CRYBG1: variants seen among roughly 807,000 people sequenced by gnomAD.
CRYBG1 encodes beta/gamma crystallin domain-containing protein 1.
Under a neutral mutation model 189.2 loss-of-function variants are expected in CRYBG1, and 139 were observed. The observed-to-expected ratio is 0.73, with a 90% CI of 0.64 to 0.85. The LOEUF is 0.85. Ranked by LOEUF, CRYBG1 falls within the 40% of genes least tolerant of loss-of-function variation. The pLI is 0.00. For synonymous variants in CRYBG1, 1,023 were observed against 1,017.1 expected (o/e 1.01, Z -0.11); for missense variants, 2,611 against 2,675.8 (o/e 0.98, Z 0.53).
chr6:106,381,795 A>T (rs769476466), intron 1 of CRYBG1, among the ~76,000 whole-genome samples: 2 of 152,122 alleles, frequency 1.3e-5, no homozygotes, highest in African/African-American at 4.8e-5. Flanking sequence ...GCTTTGGGCA[A>T]TGTGTGCTCC....
intron 1 of CRYBG1, among the ~76,000 whole-genome samples, chr6:106,368,395 A>T (rs752347118): frequency 6.6e-6 from 1 of 152,186 alleles, no homozygotes; most frequent in African/African-American, 2.4e-5. Flanking sequence ...GTGTCTGGTC[A>T]ACATGAGAAG....
intron 2 of CRYBG1, among the ~76,000 whole-genome samples, chr6:106,475,825 G>A (rs935891557): frequency 8.5e-5 from 13 of 152,172 alleles, no homozygotes; most frequent in African/African-American, 3.1e-4. Flanking sequence ...GGGGATTCCT[G>A]AGCTCATGGA....
intron 10 of CRYBG1, among the ~76,000 whole-genome samples, chr6:106,543,072 A>T (rs1774172923): frequency 6.6e-6 from 1 of 150,632 alleles, no homozygotes; most frequent in Non-Finnish European, 1.5e-5. Context: ...TCACTCTGTC[A>T]CCCAGGCTGG....
At chr6:106,374,574 G>C (rs1449764991) in intron 1 of CRYBG1, among the ~76,000 whole-genome samples, 1 of 152,002 alleles carries the variant, frequency 6.6e-6, no homozygotes, top group Non-Finnish European at 1.5e-5. Flanking sequence ...AAACAAATAT[G>C]CTCAAGACAG....
Position 106,521,310 on chromosome 6 carries a change from G to C in CRYBG1, c.4102G>C (p.Glu1368Gln). ...ELSKLKNDDM[E>Q]KANHIESVIK... ...GTCAAAACTGAAGAATGATGATATG[G>C]AAAAGGCTAATCATATTGAAAGTGT... is the stretch of plus-strand genomic sequence containing the variant. The change falls in exon 4 of 22, where the codon GAA becomes CAA. Residue 1368 changes from glutamate to glutamine, a missense_variant. Around this residue, in one of 3 missense-constraint regions of CRYBG1, gnomAD observed 1,622 missense variants for 1,735.0 expected, o/e 0.93. Coordinates refer to ENST00000633556, the MANE Select transcript of CRYBG1 (RefSeq NM_001371242.2). The C allele has an allele frequency of 6.2e-7, 1 of 1,614,148 alleles. No homozygotes were observed. The highest frequency in any genetic ancestry group is 1.6e-4 in the Middle Eastern group (1 of 6,062).
At chr6:106,401,429 A>C in intron 1 of CRYBG1, among the ~76,000 whole-genome samples, 1 of 135,000 alleles carries the variant, frequency 7.4e-6, no homozygotes, top group Non-Finnish European at 1.6e-5. Flanking sequence ...ATTATACTCT[A>C]AGTTTTAGGG....
At chr6:106,375,109 G>C (rs375630075) in intron 1 of CRYBG1, among the ~76,000 whole-genome samples, 2 of 152,138 alleles carry the variant, frequency 1.3e-5, no homozygotes, top group Non-Finnish European at 2.9e-5. Flanking sequence ...GTGGCCAGGC[G>C]TGGTGGCTTA....
intron 8 of CRYBG1, among the ~76,000 whole-genome samples, chr6:106,535,761 T>TAAAAAGA (rs1582824361): frequency 0.18 from 9,525 of 53,258 alleles, 4,289 homozygotes; most frequent in South Asian, 0.23. Context: ...CACTAACTTT[T>TAAAAAGA]TTTTTTTTTT....
At position 106,570,051 on chromosome 6, in the gene CRYBG1, C is replaced by A. The variant is rs1057433; in HGVS notation, c.*1485C>A. 1.3e-5 allele frequency: 2 copies of A among 152,086 alleles called. No individual in the cohort carries two copies. Among genetic ancestry groups the A allele is most frequent in the Non-Finnish European group, 2.9e-5 (2 of 67,978 alleles). 9.4% of individuals were successfully genotyped at this position (152,086 alleles called of 1,614,324 possible). ...ACAACTGACAAGACACCAGCCCATACGCTGCTCTTCCAACAGTGGGTTCTA... is the reference window on the plus strand; with the variant it reads ...ACAACTGACAAGACACCAGCCCATAAGCTGCTCTTCCAACAGTGGGTTCTA... On this transcript the variant is annotated 3_prime_UTR_variant, in exon 22 of 22. Coordinates refer to ENST00000633556, the MANE Select transcript of CRYBG1 (RefSeq NM_001371242.2).
intron 1 of CRYBG1, among the ~76,000 whole-genome samples, chr6:106,381,886 G>A (rs955481347): frequency 6.6e-6 from 1 of 152,202 alleles, no homozygotes; most frequent in Non-Finnish European, 1.5e-5. Flanking sequence ...GACAGGGCAT[G>A]GACAATGTCT....
intron 1 of CRYBG1, among the ~76,000 whole-genome samples, chr6:106,368,880 A>C (rs538636274): frequency 3.9e-4 from 60 of 152,284 alleles, no homozygotes; most frequent in African/African-American, 1.4e-3. Flanking sequence ...AAAAATAAAC[A>C]ACCATAACTT....
intron 2 of CRYBG1, among the ~76,000 whole-genome samples, chr6:106,503,881 A>G (rs1224472942): frequency 6.6e-6 from 1 of 151,990 alleles, no homozygotes; most frequent in African/African-American, 2.4e-5. Flanking sequence ...TTTATAATTG[A>G]TGGCTTTTGT....
intron 1 of CRYBG1, among the ~76,000 whole-genome samples, chr6:106,447,294 C>T (rs1026987603): frequency 7.2e-5 from 11 of 152,040 alleles, no homozygotes; most frequent in African/African-American, 2.7e-4. Context: ...CCACCTACAC[C>T]CTACTCATCA....
intron 1 of CRYBG1, among the ~76,000 whole-genome samples, chr6:106,439,050 G>GAAAAAAAAA (rs11313505): frequency 1.5e-5 from 2 of 131,806 alleles, no homozygotes; most frequent in African/African-American, 5.7e-5. Flanking sequence ...CTTAAAAAAT[G>GAAAAAAAAA]AAAAAAAAAA....
chr6:106,485,891 G>A (rs1217150303), intron 2 of CRYBG1, among the ~76,000 whole-genome samples: 3 of 152,088 alleles, frequency 2.0e-5, no homozygotes, highest in Non-Finnish European at 4.4e-5. Context: ...GAGAATTTTT[G>A]CATGTGCATT....
chr6:106,514,579 T>C (rs1050119151), intron 3 of CRYBG1, among the ~76,000 whole-genome samples: 1 of 152,242 alleles, frequency 6.6e-6, no homozygotes, highest in Admixed American at 6.5e-5. Flanking sequence ...CTATTATTTA[T>C]AGAAGACCAG....
In CRYBG1 at chr6:106,511,516, CAGT is replaced by C. The variant is rs1773255800; in HGVS notation, c.402_404del (p.Ser134del). The C allele has an allele frequency of 2.6e-6, 4 of 1,535,612 alleles. No individual in the cohort carries two copies. Among genetic ancestry groups the C allele is most frequent in the Non-Finnish European group, 3.5e-6 (4 of 1,146,482 alleles). The stretch of plus-strand genomic sequence containing the variant: ...TATTCACTGCAGGAAGGAGAAGAAA[CAGT>C]AGAAACGGGTTAGAGAGTCCCACCA... On this transcript the variant is annotated inframe_deletion, in exon 3 of 22. Coordinates refer to ENST00000633556, the MANE Select transcript of CRYBG1 (RefSeq NM_001371242.2).
In CRYBG1 at chr6:106,512,269, G is replaced by A. The variant is rs1334163799; in HGVS notation, c.1152G>A (p.Lys384=). 1.3e-6 allele frequency: 2 copies of A among 1,564,698 alleles called. No homozygotes were observed. The highest frequency in any genetic ancestry group is 1.9e-5 in the Admixed American group (1 of 52,058). ...TAACTTTGGACATCTACTTGAGTAA[G>A]ACTGAGGGGGCACAAGTGGACGAGC... ...KVLTLDIYLS[K]TEGAQVDEPV... Residue 384 remains lysine, a synonymous_variant, in exon 3 of 22, where the codon AAG becomes AAA. Transcript: ENST00000633556.
chr6:106,543,715 G>C (rs1774193768), intron 11 of CRYBG1, 118 bp downstream of exon 11: 2 of 1,152,546 alleles, frequency 1.7e-6, no homozygotes, highest in South Asian at 3.0e-5. Context: ...AATTTTGACA[G>C]TTATATCCAC....
Sources: gnomAD v4.1 joint callset for allele counts (sites outside exome capture counted in the v4.1 genomes callset) on GRCh38, gnomAD v4.1.1 for gene constraint, gnomAD v4.1.1 regional missense constraint, MANE v1.5 for transcripts, NCBI Gene and HGNC (gene_info 2026-07-23, HGNC 2026-07-21) for gene names.